NTM: variants seen among roughly 807,000 people sequenced by gnomAD.
NTM encodes the protein IgLON family member 2.
In NTM, 13 loss-of-function variants were observed where a neutral mutation model predicts 42.1. That is an observed-to-expected ratio of 0.31 (90% CI 0.20 to 0.49). NTM has a LOEUF of 0.49. Among genes scored for constraint, NTM ranks in the 20% least tolerant of loss-of-function variants. The pLI, the probability that NTM is intolerant of heterozygous loss-of-function variation, is 0.99. For synonymous variants in NTM, 187 were observed against 179.2 expected (o/e 1.04, Z -0.35); for missense variants, 373 against 452.8 (o/e 0.82, Z 1.60).
chr11:131,763,698 C>G (rs544143063), intron 1 of NTM, among the ~76,000 whole-genome samples: 3 of 107,150 alleles, frequency 2.8e-5, no homozygotes, highest in African/African-American at 8.9e-5. Context: ...TCCACAGGCC[C>G]ATCTCTCTCT....
intron 1 of NTM, among the ~76,000 whole-genome samples, chr11:131,427,003 G>C (rs752672899): frequency 3.3e-5 from 5 of 152,074 alleles, no homozygotes; most frequent in Non-Finnish European, 7.4e-5. Flanking sequence ...GAGGGCAGGA[G>C]GGCAATGGTT....
In NTM at chr11:131,865,892, A is replaced by ACAC. The variant is rs1565646900; in HGVS notation, c.83-45672_83-45671insCAC. Among the ~76,000 whole-genome samples, 468 of 125,068 alleles carry ACAC rather than the reference A, an allele frequency of 3.7e-3. 17 individuals carry two copies. The highest frequency in any genetic ancestry group is 4.5e-3 in the Middle Eastern group (1 of 222). 82.0% of individuals were successfully genotyped at this position (125,068 alleles called of 152,430 possible). A position where few individuals can be genotyped will look rare whatever the true frequency, so the allele number is the denominator to read the frequency against. ...CACATGCTACACACACACCTCCCACATTCACACATGCTACATACACACATG... is the reference window on the plus strand; with the variant it reads ...CACATGCTACACACACACCTCCCACACACTTCACACATGCTACATACACACATG... On this transcript the variant is annotated intron_variant, in intron 1 of 8. Coordinates refer to ENST00000683400, the MANE Select transcript of NTM (RefSeq NM_001352005.2).
chr11:131,782,473 G>GA (rs2088343852), intron 1 of NTM, among the ~76,000 whole-genome samples: 1 of 151,626 alleles, frequency 6.6e-6, no homozygotes, highest in Non-Finnish European at 1.5e-5. Context: ...AGAAAATAGA[G>GA]AAAAAAGAAA....
intron 2 of NTM, among the ~76,000 whole-genome samples, chr11:131,967,558 A>G (rs759859483): frequency 1.3e-5 from 2 of 152,204 alleles, no homozygotes; most frequent in Non-Finnish European, 1.5e-5. Flanking sequence ...TTAATGGGCC[A>G]GGGAGGAGCA....
At chr11:132,070,283 G>A (rs1234537976) in intron 2 of NTM, among the ~76,000 whole-genome samples, 1 of 140,426 alleles carries the variant, frequency 7.1e-6, no homozygotes, top group Non-Finnish European at 1.5e-5. Context: ...TAGTTAACGT[G>A]TCACACAGCC....
chr11:132,160,570 C>T (rs1004995185), intron 3 of NTM, among the ~76,000 whole-genome samples: 7 of 152,206 alleles, frequency 4.6e-5, no homozygotes, highest in African/African-American at 1.2e-4. Context: ...CGGTAGAGCA[C>T]GAATGCCCTA....
intron 2 of NTM, among the ~76,000 whole-genome samples, chr11:132,114,603 C>T (rs532042472): frequency 5.5e-4 from 83 of 152,204 alleles, no homozygotes; most frequent in Non-Finnish European, 5.4e-4. Context: ...ATAACTCACT[C>T]ATGATCCTAT....
intron 2 of NTM, among the ~76,000 whole-genome samples, chr11:131,925,647 A>C (rs574490668): frequency 6.6e-6 from 1 of 152,266 alleles, no homozygotes. Context: ...GGCCTGCCAA[A>C]GTGCTGGGAT....
At chr11:131,789,636 A>AGAAGAAGAAGAAAGAAGAAGAAGAAG (rs1555127949) in intron 1 of NTM, among the ~76,000 whole-genome samples, 1 of 30,900 alleles carries the variant, frequency 3.2e-5, no homozygotes, top group African/African-American at 1.2e-4. Context: ...AAGAAGAAGA[A>AGAAGAAGAAGAAAGAAGAAGAAGAAG]AAGAAGAAGA....
intron 8 of NTM, among the ~76,000 whole-genome samples, chr11:132,330,570 T>C (rs1256662495): frequency 1.3e-5 from 2 of 152,156 alleles, no homozygotes; most frequent in Non-Finnish European, 2.9e-5. Context: ...CCATTCTTTC[T>C]ATCTCTCTAA....
At chr11:131,615,960 A>G (rs1217813498) in intron 1 of NTM, among the ~76,000 whole-genome samples, 1 of 152,240 alleles carries the variant, frequency 6.6e-6, no homozygotes. Flanking sequence ...CCAGAGCCGA[A>G]TGTAAGAAGC....
rs76837137 is a variant in NTM, at chr11:132,109,601, G to T, written c.168-36681G>T. Among the ~76,000 whole-genome samples the T allele has an allele frequency of 9.3e-3, 1,414 of 152,046 alleles. 27 individuals are homozygous for T. Among genetic ancestry groups the T allele is most frequent in the African/African-American group, 0.031 (1,284 of 41,434 alleles). ...CTTAAAATCCAGTCTACTTATCAAGGTGTCAAGACCTACACGAGTTAGCCC... is the reference window on the plus strand; with the variant it reads ...CTTAAAATCCAGTCTACTTATCAAGTTGTCAAGACCTACACGAGTTAGCCC... On this transcript the variant is annotated intron_variant, in intron 2 of 8. Transcript: ENST00000683400.
At chr11:131,466,731 T>C (rs1004853728) in intron 1 of NTM, among the ~76,000 whole-genome samples, 2 of 152,244 alleles carry the variant, frequency 1.3e-5, no homozygotes, top group African/African-American at 4.8e-5. Context: ...TCCAAATCAC[T>C]ACAGTTGTTG....
Position 132,071,166 on chromosome 11 carries a change from C to G in NTM, c.168-75116C>G, listed in dbSNP as rs1163486788. Among the ~76,000 whole-genome samples the G allele has an allele frequency of 2.9e-4, 41 of 141,250 alleles. 1 individual carries two copies. The highest frequency in any genetic ancestry group is 2.6e-5 in the African/African-American group (1 of 39,042). The allele number at this position is 141,250 out of a possible 152,430, so 92.7% of individuals were successfully genotyped here. On this transcript the variant is annotated intron_variant, in intron 2 of 8. Transcript: ENST00000683400. ...AGTCAAGTTAACACGTCAAACTGACCATCACAGGTTAGTTAACACGTCACA... is the reference window on the plus strand; with the variant it reads ...AGTCAAGTTAACACGTCAAACTGACGATCACAGGTTAGTTAACACGTCACA...
intron 1 of NTM, among the ~76,000 whole-genome samples, chr11:131,413,883 C>G (rs560425995): frequency 6.6e-6 from 1 of 151,130 alleles, no homozygotes; most frequent in Non-Finnish European, 1.5e-5. Flanking sequence ...GCAGGGGAGA[C>G]GAGGAGGGCA....
chr11:131,625,204 T>C (rs763562748), intron 1 of NTM, among the ~76,000 whole-genome samples: 4 of 152,180 alleles, frequency 2.6e-5, no homozygotes, highest in Non-Finnish European at 5.9e-5. Context: ...GATCACATTT[T>C]CTGGAGATGA....
In NTM at chr11:132,003,627, C is replaced by T. The variant is rs1471575066; in HGVS notation, c.167+91979C>T. Among the ~76,000 whole-genome samples the T allele has an allele frequency of 6.6e-6, 1 of 152,116 alleles. No homozygotes were observed. The highest frequency in any genetic ancestry group is 1.5e-5 in the Non-Finnish European group (1 of 68,026). On this transcript the variant is annotated intron_variant, in intron 2 of 8. Transcript: ENST00000683400. This position sits in a 1 kb window ranked among gnomAD's most constrained non-coding sequence, Gnocchi z 6.0. ...CCACACTTTGAGAATGTGCTTTCAGCTCAGCTCTGTTGTTCACTCAAGAAG... is the reference window on the plus strand; with the variant it reads ...CCACACTTTGAGAATGTGCTTTCAGTTCAGCTCTGTTGTTCACTCAAGAAG...
intron 1 of NTM, among the ~76,000 whole-genome samples, chr11:131,380,479 G>A (rs1042498433): frequency 6.6e-6 from 1 of 152,090 alleles, no homozygotes; most frequent in Non-Finnish European, 1.5e-5. Flanking sequence ...TCAAAGTGCT[G>A]GGATTACAGG....
intron 1 of NTM, among the ~76,000 whole-genome samples, chr11:131,525,791 C>G (rs1015661664): frequency 6.6e-6 from 1 of 152,066 alleles, no homozygotes; most frequent in African/African-American, 2.4e-5. Flanking sequence ...TCTTCAGCTC[C>G]CTCATTTTAA....
Sources: allele counts gnomAD v4.1 joint callset (sites outside exome capture counted in the v4.1 genomes callset), GRCh38; gene constraint gnomAD v4.1.1; non-coding constraint Gnocchi (gnomAD v3.1); transcripts MANE v1.5; gene names NCBI Gene and HGNC (gene_info 2026-07-23, HGNC 2026-07-21).